TENM3: variants seen among roughly 807,000 people sequenced by gnomAD.
TENM3 encodes teneurin-3.
In TENM3, 63 loss-of-function variants were observed where a neutral mutation model predicts 255.1. The observed-to-expected ratio is 0.25, with a 90% CI of 0.20 to 0.30. The LOEUF (loss-of-function observed/expected upper bound fraction) is 0.30, where lower values mean the gene tolerates loss of function less well. Ranked by LOEUF, TENM3 falls within the 10% of genes least tolerant of loss-of-function variation. The pLI, the probability that TENM3 is intolerant of heterozygous loss-of-function variation, is 1.00. For synonymous variants in TENM3, 1,306 were observed against 1,322.3 expected, an observed-to-expected ratio of 0.99 and a Z score of 0.27; for missense variants, 2,929 against 3,461.1, an observed-to-expected ratio of 0.85 and a Z score of 3.86.
intron 3 of TENM3, among the ~76,000 whole-genome samples, chr4:182,449,904 T>A (rs749739021): frequency 1.8e-4 from 27 of 152,212 alleles, no homozygotes; most frequent in Non-Finnish European, 3.5e-4. Flanking sequence ...TTGATGTGTG[T>A]AGTTCAATAA....
intron 4 of TENM3, among the ~76,000 whole-genome samples, chr4:182,627,592 T>C (rs1561025379): frequency 3.3e-4 from 1 of 3,076 alleles, no homozygotes; most frequent in East Asian, 5.3e-3. Context: ...GTCTGTTGAC[T>C]TCATTGAATG....
the TENM3 span, among the ~76,000 whole-genome samples, chr4:182,088,555 T>A: frequency 6.6e-6 from 1 of 152,086 alleles, no homozygotes; most frequent in Non-Finnish European, 1.5e-5. Flanking sequence ...TAAAGCACAA[T>A]CTTTAATTTT....
chr4:181,595,914 A>G, the TENM3 span, among the ~76,000 whole-genome samples: 21 of 152,190 alleles, frequency 1.4e-4, no homozygotes, highest in South Asian at 4.0e-3. Flanking sequence ...ATTCCAGGCC[A>G]CTCATGCGAG....
At chr4:182,753,646 T>G in intron 21 of TENM3, 42 bp downstream of exon 21, 1 of 1,595,074 alleles carries the variant, frequency 6.3e-7, no homozygotes, top group Non-Finnish European at 8.6e-7. Context: ...TTCCTCTAGG[T>G]GACTTGACTT....
In TENM3 at chr4:182,793,678, A is replaced by C. The variant is rs776456685; in HGVS notation, c.7006A>C (p.Ile2336Leu). 3 of 1,614,014 alleles carry C rather than the reference A, an allele frequency of 1.9e-6. No individual in the cohort carries two copies. Among genetic ancestry groups the C allele is most frequent in the Non-Finnish European group, 2.5e-6 (3 of 1,179,854 alleles). Residue 2336 changes from isoleucine to leucine, a missense_variant, in exon 26 of 28, where the codon ATT becomes CTT. Physicochemically the swap from Ile to Leu is conservative, Grantham distance 5. Around this residue, in one of 6 missense-constraint regions of TENM3, gnomAD observed 256 missense variants for 389.3 expected, o/e 0.66. Coordinates refer to ENST00000511685, the MANE Select transcript of TENM3 (RefSeq NM_001080477.4). This position sits in a 1 kb window ranked among gnomAD's most constrained non-coding sequence, Gnocchi z 5.7. ...CTCTAATATTGACTTTCAACTGGTA[A>C]TTGGATTTCATGGTGGCCTGTATGA... Reference protein sequence around the residue: ...FDSNIDFQLVIGFHGGLYDPL... With the variant: ...FDSNIDFQLVLGFHGGLYDPL...
chr4:182,400,382 G>C (rs1221742351), intron 3 of TENM3, among the ~76,000 whole-genome samples: 4 of 152,198 alleles, frequency 2.6e-5, no homozygotes, highest in Middle Eastern at 3.4e-3. Flanking sequence ...ACCTAAAATG[G>C]ATAACCTTTA....
At chr4:182,486,943 G>A (rs184521960) in intron 3 of TENM3, among the ~76,000 whole-genome samples, 4 of 152,250 alleles carry the variant, frequency 2.6e-5, no homozygotes, top group African/African-American at 7.2e-5. Context: ...CAAAAGAAAC[G>A]GAACAAAGCA....
the TENM3 span, among the ~76,000 whole-genome samples, chr4:181,632,733 C>T: frequency 3.3e-5 from 5 of 152,090 alleles, no homozygotes; most frequent in East Asian, 9.7e-4. Context: ...TGTTTGCATT[C>T]TTGGACTTTA....
chr4:182,162,864 C>G (rs566925741), intron 1 of TENM3, among the ~76,000 whole-genome samples: 49 of 152,158 alleles, frequency 3.2e-4, no homozygotes, highest in Non-Finnish European at 5.9e-4. Context: ...GGCCTAATTC[C>G]CGTCGAAAGG....
the TENM3 span, among the ~76,000 whole-genome samples, chr4:182,007,851 G>A: frequency 6.6e-6 from 1 of 152,206 alleles, no homozygotes; most frequent in Non-Finnish European, 1.5e-5. Context: ...TGTTTTTGCA[G>A]TGGCTGCTAC....
chr4:182,258,132 G>C (rs191991096), intron 1 of TENM3, among the ~76,000 whole-genome samples: 2 of 151,980 alleles, frequency 1.3e-5, no homozygotes, highest in Admixed American at 6.6e-5. Flanking sequence ...ATAGAATCAT[G>C]TATATAGCAT....
chr4:182,353,924 C>T (rs887215975), intron 3 of TENM3, among the ~76,000 whole-genome samples: 4 of 151,182 alleles, frequency 2.6e-5, no homozygotes, highest in African/African-American at 9.7e-5. Context: ...GAGATCGTGC[C>T]ACTGCACTCC....
chr4:182,755,132 A>G lies in TENM3; in HGVS notation c.4765A>G (p.Ile1589Val), dbSNP rs376065308. The G allele has an allele frequency of 3.7e-5, 60 of 1,614,030 alleles. 1 individual carries two copies. In the South Asian group the frequency reaches 4.6e-4, roughly 12 times the overall value. The change falls in exon 22 of 28, where the codon ATA becomes GTA. Residue 1589 changes from isoleucine to valine, a missense_variant. Physicochemically the swap from Ile to Val is conservative, Grantham distance 29. Around this residue, in one of 6 missense-constraint regions of TENM3, gnomAD observed 1,608 missense variants for 1,884.4 expected, o/e 0.85. Transcript: ENST00000511685. ...SPDNQVIWLT[I>V]GTNGCLKSMT... ...TGATAACCAAGTGATATGGTTGACA[A>G]TAGGAACAAATGGATGTTTGAAAAG...
chr4:182,364,612 G>C (rs1246228381), intron 3 of TENM3, among the ~76,000 whole-genome samples: 1 of 152,024 alleles, frequency 6.6e-6, no homozygotes, highest in Non-Finnish European at 1.5e-5. Context: ...GTAGAGACGG[G>C]GTTTCACCGT....
the TENM3 span, among the ~76,000 whole-genome samples, chr4:182,020,745 C>G: frequency 6.6e-6 from 1 of 152,138 alleles, no homozygotes; most frequent in South Asian, 2.1e-4. Flanking sequence ...CATATCACTT[C>G]TCAACTTAAA....
At chr4:182,399,555 T>C (rs1000972933) in intron 3 of TENM3, among the ~76,000 whole-genome samples, 2 of 152,224 alleles carry the variant, frequency 1.3e-5, no homozygotes, top group African/African-American at 4.8e-5. Flanking sequence ...ATATTTCAAC[T>C]ACCTGATCAG....
chr4:182,100,239 C>T, the TENM3 span, among the ~76,000 whole-genome samples: 1 of 151,602 alleles, frequency 6.6e-6, no homozygotes, highest in Admixed American at 6.6e-5. Flanking sequence ...TCATAAACCA[C>T]CTTTTCCTTT....
At chr4:182,187,714 AC>A (rs1385861660) in intron 1 of TENM3, among the ~76,000 whole-genome samples, 9 of 152,292 alleles carry the variant, frequency 5.9e-5, no homozygotes, top group African/African-American at 1.7e-4. Flanking sequence ...GCTTAAAAAA[AC>A]GTTCTAACAG....
intron 3 of TENM3, among the ~76,000 whole-genome samples, chr4:182,551,190 C>T (rs1320787031): frequency 6.7e-6 from 1 of 149,204 alleles, no homozygotes; most frequent in Non-Finnish European, 1.5e-5. Context: ...CCACTGACTC[C>T]AGCCTGGGCG....
Sources: gnomAD v4.1 joint callset for allele counts (sites outside exome capture counted in the v4.1 genomes callset) on GRCh38, gnomAD v4.1.1 for gene constraint, gnomAD v4.1.1 regional missense constraint, Gnocchi (gnomAD v3.1) non-coding constraint, MANE v1.5 for transcripts, NCBI Gene and HGNC (gene_info 2026-07-23, HGNC 2026-07-21) for gene names.